Variants in CAPS2 observed in about 807,000 individuals in gnomAD.
CAPS2 encodes calcyphosine 2.
Under a neutral mutation model 86.5 loss-of-function variants are expected in CAPS2, and 98 were observed. That is an observed-to-expected ratio of 1.13 (90% confidence interval 0.96 to 1.34). The LOEUF (loss-of-function observed/expected upper bound fraction) is 1.34. Among genes scored for constraint, CAPS2 ranks in the 40% most tolerant of loss-of-function variants. The pLI is 0.00. For missense variants in CAPS2, 729 were observed against 686.8 expected, an observed-to-expected ratio of 1.06 and a Z score of -0.69; for synonymous variants, 210 against 225.1, an observed-to-expected ratio of 0.93 and a Z score of 0.60.
At chr12:75,288,690 C>T (rs1418298041) in intron 14 of CAPS2, among the ~76,000 whole-genome samples, 2 of 152,280 alleles carry the variant, frequency 1.3e-5, no homozygotes, top group East Asian at 3.9e-4. Flanking sequence ...CATTTCTCTC[C>T]ATTCTTCTCT....
chr12:75,288,931 TG>T (rs1484680343), intron 14 of CAPS2, among the ~76,000 whole-genome samples: 4 of 152,168 alleles, frequency 2.6e-5, no homozygotes, highest in Non-Finnish European at 5.9e-5. Flanking sequence ...AAGGATCAGA[TG>T]GGAGTGCTCC....
intron 1 of CAPS2, among the ~76,000 whole-genome samples, chr12:75,367,640 CT>C (rs1482733875): frequency 1.4e-4 from 21 of 151,856 alleles, no homozygotes; most frequent in Admixed American, 1.4e-3. Context: ...AATTTAAATG[CT>C]TTTGTATATT....
chr12:75,291,213 C>T (rs955926391), intron 13 of CAPS2, among the ~76,000 whole-genome samples: 4 of 151,568 alleles, frequency 2.6e-5, no homozygotes, highest in Admixed American at 6.6e-5. Context: ...GTGTCTTGCA[C>T]AACAGAGTCC....
intron 13 of CAPS2, among the ~76,000 whole-genome samples, chr12:75,291,266 A>T (rs1182420191): frequency 6.6e-6 from 1 of 151,494 alleles, no homozygotes; most frequent in African/African-American, 2.4e-5. Flanking sequence ...TTTCTTTTAC[A>T]CTAGGACACC....
intron 1 of CAPS2, among the ~76,000 whole-genome samples, chr12:75,377,575 G>C (rs1224597610): frequency 4.6e-5 from 7 of 152,114 alleles, no homozygotes; most frequent in Non-Finnish European, 1.5e-5. Flanking sequence ...TCTGATGTTT[G>C]AGGGCAGGAA....
chr12:75,277,649 T>C (rs1242265522), exon 17 of CAPS2: 1 of 984,668 alleles, frequency 1.0e-6, no homozygotes, highest in Non-Finnish European at 1.2e-6. Context: ...TTTGAATTTG[T>C]TGGGTTCACA....
chr12:75,318,032 A>G (rs887382220), intron 5 of CAPS2: 1 of 151,716 alleles, frequency 6.6e-6, no homozygotes, highest in Non-Finnish European at 1.5e-5. Context: ...CCAATATTTT[A>G]CTCTCTGCTT....
At chr12:75,341,747 C>CTTTTTTTTTT (rs1185408752) in intron 1 of CAPS2, among the ~76,000 whole-genome samples, 4 of 83,406 alleles carry the variant, frequency 4.8e-5, no homozygotes, top group African/African-American at 1.6e-4. Flanking sequence ...CGCCCGGCCT[C>CTTTTTTTTTT]TTTTTTTTTT....
chr12:75,348,423 T>A (rs896258809), intron 1 of CAPS2, among the ~76,000 whole-genome samples: 1 of 152,228 alleles, frequency 6.6e-6, no homozygotes, highest in Non-Finnish European at 1.5e-5. Context: ...TTTTCTTCCA[T>A]GACCTTTCAC....
intron 7 of CAPS2, among the ~76,000 whole-genome samples, chr12:75,307,603 T>C (rs1002981266): frequency 4.6e-5 from 7 of 152,210 alleles, no homozygotes; most frequent in Admixed American, 4.6e-4. Context: ...AGGTTATGGA[T>C]ATTCCAAGTA....
chr12:75,306,024 T>A (rs2038438680), intron 7 of CAPS2: 2 of 1,465,926 alleles, frequency 1.4e-6, no homozygotes, highest in Non-Finnish European at 1.9e-6. Context: ...AGCCTCATTC[T>A]ACTTGAAGGG....
chr12:75,276,589 G>A (rs952110981), downstream of CAPS2: 7 of 968,946 alleles, frequency 7.2e-6, no homozygotes, highest in African/African-American at 1.1e-4. Flanking sequence ...AAATATGTAT[G>A]TCCTTTCCAT....
At chr12:75,351,641 G>C (rs146508437) in intron 1 of CAPS2, among the ~76,000 whole-genome samples, 307 of 151,658 alleles carry the variant, frequency 2.0e-3, no homozygotes, top group East Asian at 5.0e-3. Flanking sequence ...CCACCTCCCA[G>C]GTTCAAGTGA....
chr12:75,369,987 G>A lies in CAPS2; in HGVS notation c.-395+20851C>T, dbSNP rs184425441. 402 of 1,081,728 alleles carry A rather than the reference G, an allele frequency of 3.7e-4. 1 individual carries two copies. The highest frequency in any genetic ancestry group is 4.8e-4 in the Non-Finnish European group (352 of 738,954). The allele number at this position is 1,081,728 out of a possible 1,614,324, so 67.0% of individuals were successfully genotyped here. ...ACTCCACAACTTATTATACCTAACC[G>A]TATGTATCAAAATATTTTAGTATTA... On this transcript the variant is annotated intron_variant, in intron 1 of 5. Transcript: ENST00000551829.
At chr12:75,327,919 A>G (rs114721665), upstream of CAPS2, among the ~76,000 whole-genome samples, 1,082 of 151,478 alleles carry the variant, frequency 7.1e-3, 18 homozygotes, top group African/African-American at 0.025. Flanking sequence ...AAGATATCCC[A>G]ATTCCTTACT....
intron 1 of CAPS2, among the ~76,000 whole-genome samples, chr12:75,326,100 T>A (rs2040754171): frequency 6.6e-6 from 1 of 152,128 alleles, no homozygotes; most frequent in African/African-American, 2.4e-5. Flanking sequence ...TTATCTGACT[T>A]GTGCTTTTTT....
intron 9 of CAPS2, 93 bp from the exon 10 acceptor site, chr12:75,299,059 A>C (rs2037380856): frequency 3.8e-6 from 3 of 788,770 alleles, no homozygotes; most frequent in Non-Finnish European, 6.0e-6. Flanking sequence ...AGGATAGCTA[A>C]CTCTCTTATG....
intron 7 of CAPS2, among the ~76,000 whole-genome samples, chr12:75,307,315 G>T (rs1172280871): frequency 6.6e-6 from 1 of 152,208 alleles, no homozygotes; most frequent in African/African-American, 2.4e-5. Context: ...AATAGTTGAG[G>T]CTTTGCCTCC....
At chr12:75,330,348 C>T (rs1022747323), upstream of CAPS2, among the ~76,000 whole-genome samples, 1 of 152,234 alleles carries the variant, frequency 6.6e-6, no homozygotes, top group South Asian at 2.1e-4. Context: ...TAAACCCCGG[C>T]GAGGAGCCGG....
Sources: allele counts gnomAD v4.1 joint callset (sites outside exome capture counted in the v4.1 genomes callset), GRCh38; gene constraint gnomAD v4.1.1; transcripts MANE v1.5; gene names NCBI Gene and HGNC (gene_info 2026-07-23, HGNC 2026-07-21).